The following PHLDB1 variants were observed in gnomAD, a reference collection of about 807,000 sequenced individuals.
PHLDB1 encodes pleckstrin homology like domain family B member 1, also known as pleckstrin homology-like domain family B member 1.
A neutral mutation model predicts 139.3 loss-of-function variants in PHLDB1; 65 were observed. That is an observed-to-expected ratio of 0.47 (90% CI 0.38 to 0.57). The LOEUF is 0.57. PHLDB1 is among the 20% of genes least tolerant of loss of function. The probability of loss-of-function intolerance (pLI) is 0.00; values close to 1 mark genes in which losing one functional copy is unlikely to be tolerated. For missense variants in PHLDB1, 1,624 were observed against 1,839.7 expected, an observed-to-expected ratio of 0.88 and a Z score of 2.14; for synonymous variants, 679 against 734.5, an observed-to-expected ratio of 0.92 and a Z score of 1.22.
chr11:118,639,220 C>T lies in PHLDB1; in HGVS notation c.2705C>T (p.Pro902Leu), dbSNP rs1555118276. The T allele has an allele frequency of 6.2e-7, 1 of 1,614,094 alleles. No individual in the cohort carries two copies. The highest frequency in any genetic ancestry group is 1.7e-5 in the Admixed American group (1 of 60,020). The part of the protein sequence containing the change: ...RRYHSLTGGR[P>L]FPKTTSTLKE... Reference sequence around the variant, plus strand: ...TACCACTCACTCACAGGGGGCAGGCCTTTCCCGAAGACCACATCGACCCTC... The same window carrying T: ...TACCACTCACTCACAGGGGGCAGGCTTTTCCCGAAGACCACATCGACCCTC... The change falls in exon 12 of 23, where the codon CCT becomes CTT. Residue 902 changes from proline to leucine, a missense_variant. Coordinates refer to ENST00000600882, the MANE Select transcript of PHLDB1 (RefSeq NM_001144758.3).
At position 118,628,165 on chromosome 11, in the gene PHLDB1, C is replaced by T. The variant is rs782520387; in HGVS notation, c.1342C>T (p.Arg448Trp). ...LQPPESPRLG[R>W]RGLDSMRELP... ...GCCTCCTGAGAGTCCCCGCCTGGGCCGGCGGGGCCTGGACAGTATGCGAGA... is the reference window on the plus strand; with the variant it reads ...GCCTCCTGAGAGTCCCCGCCTGGGCTGGCGGGGCCTGGACAGTATGCGAGA... Residue 448 changes from arginine to tryptophan, a missense_variant, in exon 6 of 23, where the codon CGG becomes TGG. By Grantham distance (101) the Arg-to-Trp change is moderately radical. Transcript: ENST00000600882. 9 of 1,613,898 alleles carry T rather than the reference C, an allele frequency of 5.6e-6. No individual in the cohort carries two copies. Among genetic ancestry groups the T allele is most frequent in the East Asian group, 2.2e-5 (1 of 44,878 alleles).
chr11:118,607,329 T>TGTGGTGGTG (rs60326273), upstream of PHLDB1, among the ~76,000 whole-genome samples: 7 of 57,660 alleles, frequency 1.2e-4, no homozygotes, highest in East Asian at 5.3e-4. Flanking sequence ...GAGGGGGATG[T>TGTGGTGGTG]GTGGTGGTGG....
chr11:118,650,859 AGT>A lies in PHLDB1; in HGVS notation c.3874+314_3874+315del. ...GCTTATAATCAGGGAAGCAGACAAG[AGT>A]GATAACCACGCACAATGGGTATGCT... On this transcript the variant is annotated intron_variant, in intron 20 of 22. Transcript: ENST00000600882. This position sits in a 1 kb window ranked among gnomAD's most constrained non-coding sequence, Gnocchi z 4.7. 6 of 384,554 alleles carry A rather than the reference AGT, an allele frequency of 1.6e-5. No individual in the cohort carries two copies. Among genetic ancestry groups the A allele is most frequent in the South Asian group, 5.6e-5 (2 of 35,620 alleles). 23.8% of individuals were successfully genotyped at this position (384,554 alleles called of 1,614,324 possible).
rs1944219905 is a variant in PHLDB1, at chr11:118,628,336, T to A, written c.1513T>A (p.Phe505Ile). Residue 505 changes from phenylalanine (F) to isoleucine (I), a missense_variant, in exon 6 of 23, where the codon TTC becomes ATC. Transcript: ENST00000600882. Reference protein sequence around the residue: ...WAAHGASPEDFSLTLGARGRR... With the variant: ...WAAHGASPEDISLTLGARGRR... ...AGCCCATGGGGCTTCACCAGAGGAC[T>A]TCTCCCTGACGCTGGGGGCACGGGG... 6.2e-7 allele frequency: 1 copy of A among 1,612,576 alleles called. No homozygotes were observed. The highest frequency in any genetic ancestry group is 1.7e-5 in the Admixed American group (1 of 59,738).
intron 15 of PHLDB1, chr11:118,644,775 C>T (rs781831124): frequency 7.9e-5 from 71 of 899,102 alleles, no homozygotes; most frequent in Middle Eastern, 5.2e-4. Flanking sequence ...CCCAGGTCCC[C>T]ACTGCCTGCA....
chr11:118,648,269 T>TTGTGTG (rs71041842), intron 18 of PHLDB1, among the ~76,000 whole-genome samples, 193 bp downstream of exon 18: 290 of 125,556 alleles, frequency 2.3e-3, no homozygotes, highest in African/African-American at 5.9e-3. Context: ...ACTATTCAAG[T>TTGTGTG]TGTGTGTGTG....
In PHLDB1 at chr11:118,631,941, A is replaced by G. The variant is rs782640692; in HGVS notation, c.2129A>G (p.Gln710Arg). ...GAAGATGCACCTAGCACCAAGCTCC[A>G]GGGAGAGGTGCTAGCCCTGGAAGAA... ...EHEDAPSTKL[Q>R]GEVLALEEER... Residue 710 changes from glutamine to arginine, a missense_variant, in exon 8 of 23, where the codon CAG becomes CGG. Physicochemically the swap from Gln to Arg is conservative, Grantham distance 43 (BLOSUM62 1). Transcript: ENST00000600882. 9 of 1,613,714 alleles carry G rather than the reference A, an allele frequency of 5.6e-6. No homozygotes were observed. Among genetic ancestry groups the G allele is most frequent in the Admixed American group, 5.0e-5 (3 of 59,970 alleles).
intron 5 of PHLDB1, among the ~76,000 whole-genome samples, chr11:118,626,534 C>A (rs1188779262): frequency 2.6e-5 from 4 of 152,158 alleles, no homozygotes; most frequent in Admixed American, 2.6e-4. Context: ...CAGGTGCATG[C>A]CACCACACCC....
chr11:118,648,007 G>A lies in PHLDB1; in HGVS notation c.3585G>A (p.Gln1195=), dbSNP rs1555131275. ...RRREQVERRL[Q]SESARRQQLV... Reference sequence around the variant, plus strand: ...GTGAGCAGGTAGAACGGAGGCTGCAGAGTGAGAGTGCCCGGAGGCAGCAGC... The same window carrying A: ...GTGAGCAGGTAGAACGGAGGCTGCAAAGTGAGAGTGCCCGGAGGCAGCAGC... Residue 1195 remains glutamine, a synonymous_variant, in exon 18 of 23, where the codon CAG becomes CAA. Transcript: ENST00000600882. 6.2e-7 allele frequency: 1 copy of A among 1,611,690 alleles called. No homozygotes were observed. Among genetic ancestry groups the A allele is most frequent in the Non-Finnish European group, 8.5e-7 (1 of 1,178,854 alleles).
chr11:118,632,431 A>G lies in PHLDB1; in HGVS notation c.2379+135A>G. ...ACAAGTGGTCTCTGTGGCTTTCCAG[A>G]GACAGAGTGACTTCTCCTCCTCTGT... On this transcript the variant is annotated intron_variant, in intron 9 of 22. Transcript: ENST00000600882. The surrounding 1 kb of genome is among the most constrained non-coding windows in gnomAD (Gnocchi z 5.9). 3.3e-6 allele frequency: 3 copies of G among 897,210 alleles called. No individual in the cohort carries two copies. The South Asian group carries it at 5.0e-5, about 15-fold the overall frequency. 55.6% of individuals were successfully genotyped at this position (897,210 alleles called of 1,614,324 possible).
intron 4 of PHLDB1, among the ~76,000 whole-genome samples, chr11:118,618,377 C>G (rs1942085177): frequency 6.6e-6 from 1 of 152,058 alleles, no homozygotes; most frequent in African/African-American, 2.4e-5. Flanking sequence ...AGCAAGGCAC[C>G]AAGCCCAGCC....
rs80073183 is a variant in PHLDB1, at chr11:118,642,859, C to G, written c.2877+465C>G. Among the ~76,000 whole-genome samples the G allele has an allele frequency of 5.8e-3, 876 of 152,328 alleles. 29 individuals are homozygous for G. In the East Asian group the frequency reaches 0.1, roughly 17 times the overall value. ...AGCAGTGACACTTGGAAGCAGAAAA[C>G]AAAGGGCAAAGACTCTGAAGTGACA... On this transcript the variant is annotated intron_variant, in intron 13 of 22. Transcript: ENST00000600882.
intron 20 of PHLDB1, chr11:118,654,713 C>CTTTTTTTTTTTTTTT (rs5795131): frequency 2.4e-5 from 2 of 83,534 alleles, no homozygotes; most frequent in African/African-American, 4.8e-5. Context: ...CTTTCTTTCT[C>CTTTTTTTTTTTTTTT]TTTTTTTTTT....
In PHLDB1 at chr11:118,628,749, GC is replaced by G. The variant is rs1555107169; in HGVS notation, c.1827+100del. On this transcript the variant is annotated intron_variant, in intron 6 of 22. Coordinates refer to ENST00000600882, the MANE Select transcript of PHLDB1 (RefSeq NM_001144758.3). Reference sequence around the variant, plus strand: ...AGAGCAGGAGAGGCCCTCAAACAGGGCTTCGGCTTCTCAAGGTTCCCCACCT... The same window carrying G: ...AGAGCAGGAGAGGCCCTCAAACAGGGTTCGGCTTCTCAAGGTTCCCCACCT... The G allele has an allele frequency of 5.0e-6, 6 of 1,195,242 alleles. No homozygotes were observed. In the African/African-American group the frequency reaches 9.3e-5, roughly 18 times the overall value. The allele number at this position is 1,195,242 out of a possible 1,614,324, so 74.0% of individuals were successfully genotyped here. A position where few individuals can be genotyped will look rare whatever the true frequency, so the allele number is the denominator to read the frequency against.
rs1339051865 is a variant in PHLDB1, at chr11:118,610,048, C to G, written c.-22+2349C>G. 1.3e-5 allele frequency among the ~76,000 whole-genome samples: 2 copies of G among 151,560 alleles called. No individual in the cohort carries two copies. Among genetic ancestry groups the G allele is most frequent in the Non-Finnish European group, 2.9e-5 (2 of 67,848 alleles). ...GTCAGCCTCCCCTCCGCTGCCCTCG[C>G]GCATCCCCAGTGTTCCCGTCTGTCG... On this transcript the variant is annotated intron_variant, in intron 1 of 22. Coordinates refer to ENST00000600882, the MANE Select transcript of PHLDB1 (RefSeq NM_001144758.3). The surrounding 1 kb of genome is among the most constrained non-coding windows in gnomAD (Gnocchi z 8.7).
Position 118,611,822 on chromosome 11 carries a change from A to AT in PHLDB1, c.-21-1994_-21-1993insT, listed in dbSNP as rs59524057. Among the ~76,000 whole-genome samples the AT allele has an allele frequency of 0.28, 41,651 of 148,252 alleles. 6,779 individuals carry two copies. The highest frequency in any genetic ancestry group is 0.43 in the East Asian group (2,197 of 5,086). On this transcript the variant is annotated intron_variant, in intron 1 of 22. Coordinates refer to ENST00000600882, the MANE Select transcript of PHLDB1 (RefSeq NM_001144758.3). The surrounding 1 kb of genome is among the most constrained non-coding windows in gnomAD (Gnocchi z 4.7). The stretch of plus-strand genomic sequence containing the variant: ...AACAAGAGTGAAACTCCGTCTCAAA[A>AT]AAAAAAAAAAAATAATAATAATAAT...
At position 118,610,614 on chromosome 11, in the gene PHLDB1, G is replaced by GGACCT. The variant is rs1939985810; in HGVS notation, c.-22+2916_-22+2920dup. ...GGTCTGGTGCTCTGGGGCTGGCTTT[G>GGACCT]GACCTCTCGTCCTGGGACTCCGTGG... On this transcript the variant is annotated intron_variant, in intron 1 of 22. Transcript: ENST00000600882. The surrounding 1 kb of genome is among the most constrained non-coding windows in gnomAD (Gnocchi z 8.7). 1 of 353,416 alleles carries GGACCT rather than the reference G, an allele frequency of 2.8e-6. No homozygotes were observed. Among genetic ancestry groups the GGACCT allele is most frequent in the South Asian group, 1.1e-4 (1 of 8,866 alleles). 21.9% of individuals were successfully genotyped at this position (353,416 alleles called of 1,614,324 possible). A position where few individuals can be genotyped will look rare whatever the true frequency, so the allele number is the denominator to read the frequency against.
intron 4 of PHLDB1, among the ~76,000 whole-genome samples, chr11:118,622,562 C>G (rs1555096210): frequency 6.6e-6 from 1 of 152,088 alleles, no homozygotes; most frequent in Admixed American, 6.5e-5. Flanking sequence ...GGCAGAGGAT[C>G]CCTAGATGCC....
rs375881138 is a variant in PHLDB1 at position 118,614,546 on chromosome 11, G to A, written c.61-13G>A. Reference sequence around the variant, plus strand: ...ATCTAATGATGCTTGTCCTCCACCCGTACTACCTACAGAAAGGACCCTTGG... The same window carrying A: ...ATCTAATGATGCTTGTCCTCCACCCATACTACCTACAGAAAGGACCCTTGG... On this transcript the variant is annotated splice_polypyrimidine_tract_variant and intron_variant, in intron 2 of 22. Coordinates refer to ENST00000600882, the MANE Select transcript of PHLDB1 (RefSeq NM_001144758.3). 103 of 1,613,016 alleles carry A rather than the reference G, an allele frequency of 6.4e-5. No individual in the cohort carries two copies. The highest frequency in any genetic ancestry group is 1.8e-4 in the East Asian group (8 of 44,848).
Sources: allele counts gnomAD v4.1 joint callset (sites outside exome capture counted in the v4.1 genomes callset), GRCh38; gene constraint gnomAD v4.1.1; non-coding constraint Gnocchi (gnomAD v3.1); transcripts MANE v1.5; gene names NCBI Gene and HGNC (gene_info 2026-07-23, HGNC 2026-07-21).